Variants in ZNF333 observed in about 807,000 individuals in gnomAD.
ZNF333 encodes the protein zinc finger protein 333.
A neutral mutation model predicts 76.1 loss-of-function variants in ZNF333; 61 were observed. That is an observed-to-expected ratio of 0.80 (90% CI 0.65 to 0.99). The LOEUF (loss-of-function observed/expected upper bound fraction) is 0.99, where lower values mean the gene tolerates loss of function less well. Among genes scored for constraint, ZNF333 ranks in the 50% least tolerant of loss-of-function variants. The probability of loss-of-function intolerance (pLI) is 0.00; values close to 1 mark genes in which losing one functional copy is unlikely to be tolerated. For synonymous variants in ZNF333, 284 were observed against 305.0 expected, an observed-to-expected ratio of 0.93 and a Z score of 0.72; for missense variants, 717 against 822.4, an observed-to-expected ratio of 0.87 and a Z score of 1.57.
intron 2 of ZNF333, among the ~76,000 whole-genome samples, chr19:14,694,445 C>A (rs1402649418): frequency 6.6e-6 from 1 of 150,608 alleles, no homozygotes; most frequent in Non-Finnish European, 1.5e-5. Flanking sequence ...TGCACTCCAG[C>A]CTGGACGACA....
chr19:14,696,530 C>A (rs1973204770), intron 4 of ZNF333, among the ~76,000 whole-genome samples: 1 of 151,980 alleles, frequency 6.6e-6, no homozygotes, highest in Non-Finnish European at 1.5e-5. Flanking sequence ...TTATTTGACT[C>A]CTGGTTCTGG....
Position 14,695,081 on chromosome 19 carries a change from G to A in ZNF333, c.75G>A (p.Arg25=), listed in dbSNP as rs1340975209. 1 of 1,613,984 alleles carries A rather than the reference G, an allele frequency of 6.2e-7. No individual in the cohort carries two copies. Among genetic ancestry groups the A allele is most frequent in the Non-Finnish European group, 8.5e-7 (1 of 1,179,976 alleles). Residue 25 remains arginine, a synonymous_variant, in exon 3 of 12, where the codon AGG becomes AGA. Transcript: ENST00000292530. ...GGGCATTGCTGGACAGCGCACGGAG[G>A]AGCCTGTGCAAATACAGGATGCTTG... The part of the protein sequence containing the change: ...QEWALLDSAR[R]SLCKYRMLDQ...
rs1400459705 is a variant in ZNF333 at position 14,719,288 on chromosome 19, C to G, written c.1961C>G (p.Ser654Cys). Reference sequence around the variant, plus strand: ...ATTAGGAATGGCAGCCTGCCTTTATCCATGTCTCATCCATACTGTGGGCCC... The same window carrying G: ...ATTAGGAATGGCAGCCTGCCTTTATGCATGTCTCATCCATACTGTGGGCCC... ...ETIRNGSLPL[S>C]MSHPYCGPLA... The change falls in exon 12 of 12, where the codon TCC (serine) becomes TGC (cysteine). Residue 654 changes from serine to cysteine, a missense_variant. Ser to Cys is a moderately radical substitution (Grantham distance 112, BLOSUM62 -1). Coordinates refer to ENST00000292530, the MANE Select transcript of ZNF333 (RefSeq NM_032433.4). 1 of 1,613,934 alleles carries G rather than the reference C, an allele frequency of 6.2e-7. No individual in the cohort carries two copies.
intron 5 of ZNF333, chr19:14,701,776 A>C (rs932083282): frequency 7.1e-5 from 70 of 985,326 alleles, no homozygotes; most frequent in Non-Finnish European, 8.3e-5. Flanking sequence ...GTTACATCAG[A>C]GCCCCAGGAA....
chr19:14,718,937 C>T lies in ZNF333; in HGVS notation c.1610C>T (p.Ala537Val), dbSNP rs3764626. The change falls in exon 12 of 12, where the codon GCG (alanine) becomes GTG (valine). Residue 537 changes from alanine (A) to valine (V), a missense_variant. Ala to Val is a moderately conservative substitution (Grantham distance 64). Transcript: ENST00000292530. ...IHTGEKLYEC[A>V]TCGQVLSRLS... ...ACAGGGGAGAAACTGTATGAGTGCG[C>T]GACTTGCGGTCAGGTCTTGAGTCGT... The T allele has an allele frequency of 0.33, 531,755 of 1,613,260 alleles. 93,148 individuals are homozygous for T. Among genetic ancestry groups the T allele is most frequent in the East Asian group, 0.59 (26,495 of 44,866 alleles).
At chr19:14,729,104 G>A (rs1227241119) in intron 11 of ZNF333, among the ~76,000 whole-genome samples, 5 of 152,162 alleles carry the variant, frequency 3.3e-5, no homozygotes, top group Admixed American at 1.3e-4. Flanking sequence ...ATTGATTAGT[G>A]CCGACGGGAA....
chr19:14,701,471 C>T (rs1053088064), intron 5 of ZNF333: 17 of 608,420 alleles, frequency 2.8e-5, no homozygotes, highest in African/African-American at 4.0e-5. Context: ...GCAGGGCATT[C>T]TGTGTGTCAT....
chr19:14,694,170 A>G (rs899711161), intron 2 of ZNF333, among the ~76,000 whole-genome samples: 22 of 152,210 alleles, frequency 1.4e-4, no homozygotes, highest in African/African-American at 5.1e-4. Context: ...GAATTCTGCA[A>G]TTAAAAGGAT....
chr19:14,697,307 G>C (rs1397715671), intron 4 of ZNF333, among the ~76,000 whole-genome samples: 1 of 148,312 alleles, frequency 6.7e-6, no homozygotes, highest in Non-Finnish European at 1.5e-5. Context: ...TTTAGCTATT[G>C]TGAATAATGT....
Position 14,716,933 on chromosome 19 carries a change from G to A in ZNF333, c.728-61G>A, listed in dbSNP as rs566110851. 32 of 1,448,966 alleles carry A rather than the reference G, an allele frequency of 2.2e-5. No individual in the cohort carries two copies. In the African/African-American group the frequency reaches 3.8e-4, roughly 17 times the overall value. 89.8% of individuals were successfully genotyped at this position (1,448,966 alleles called of 1,614,324 possible). A position where few individuals can be genotyped will look rare whatever the true frequency, so the allele number is the denominator to read the frequency against. On this transcript the variant is annotated intron_variant, in intron 9 of 11. Coordinates refer to ENST00000292530, the MANE Select transcript of ZNF333 (RefSeq NM_032433.4). ...GAGCCCCTAAAGACTTGAGAATATC[G>A]GCCCTGGTGTCAGGGCATGGCACAG...
At chr19:14,694,466 G>T (rs1324372288) in intron 2 of ZNF333, among the ~76,000 whole-genome samples, 1 of 91,894 alleles carries the variant, frequency 1.1e-5, no homozygotes, top group African/African-American at 6.8e-5. Flanking sequence ...GAGCAAGACT[G>T]TCTCAAAAAA....
intron 7 of ZNF333, among the ~76,000 whole-genome samples, chr19:14,713,737 C>T (rs2042343301): frequency 2.0e-5 from 3 of 151,774 alleles, no homozygotes; most frequent in Non-Finnish European, 4.4e-5. Flanking sequence ...GTGGGAGGAT[C>T]GCTTGAGGCT....
At chr19:14,698,935 T>TAGATAGATAGATATAC (rs1180611568) in intron 4 of ZNF333, among the ~76,000 whole-genome samples, 5 of 139,362 alleles carry the variant, frequency 3.6e-5, no homozygotes, top group African/African-American at 1.1e-4. Flanking sequence ...TATATATATA[T>TAGATAGATAGATATAC]ACACACATAT....
Position 14,706,683 on chromosome 19 carries a change from C to T in ZNF333, c.424-3C>T, listed in dbSNP as rs770843236. ...AATCTGTGACCCCTGTCACTCTGTC[C>T]AGGGACTGAAGGCCGCTATGCAGAT... On this transcript the variant is annotated splice_polypyrimidine_tract_variant and splice_region_variant and intron_variant, in intron 6 of 11. Coordinates refer to ENST00000292530, the MANE Select transcript of ZNF333 (RefSeq NM_032433.4). The T allele has an allele frequency of 6.2e-7, 1 of 1,613,920 alleles. No homozygotes were observed. The highest frequency in any genetic ancestry group is 1.3e-5 in the African/African-American group (1 of 74,934).
Position 14,718,984 on chromosome 19 carries a change from A to G in ZNF333, c.1657A>G (p.Met553Val), listed in dbSNP as rs770636264. 1 of 1,610,514 alleles carries G rather than the reference A, an allele frequency of 6.2e-7. No homozygotes were observed. Among genetic ancestry groups the G allele is most frequent in the Non-Finnish European group, 8.5e-7 (1 of 1,178,970 alleles). Residue 553 changes from methionine to valine, a missense_variant, in exon 12 of 12, where the codon ATG (methionine) becomes GTG (valine). Physicochemically the swap from Met to Val is conservative, Grantham distance 21 (BLOSUM62 1). Transcript: ENST00000292530. ...TCGTCTTTCAACCCTGAAGAGTCACATGCGAACTCACACTGGAGAGAAGCC... is the reference window on the plus strand; with the variant it reads ...TCGTCTTTCAACCCTGAAGAGTCACGTGCGAACTCACACTGGAGAGAAGCC... The part of the protein sequence containing the change: ...LSRLSTLKSH[M>V]RTHTGEKPYV...
At chr19:14,706,823 G>A (rs1418942267) in intron 7 of ZNF333, 50 bp downstream of exon 7, 9 of 1,529,232 alleles carry the variant, frequency 5.9e-6, no homozygotes, top group African/African-American at 5.5e-5. Context: ...TGCTGTCCTT[G>A]TGTTCTGTCC....
At chr19:14,695,241 G>T in intron 3 of ZNF333, 108 bp downstream of exon 3, 1 of 1,413,756 alleles carries the variant, frequency 7.1e-7, no homozygotes, top group Non-Finnish European at 9.5e-7. Flanking sequence ...GGCACTTAGC[G>T]TCCACAGGAT....
downstream of ZNF333, among the ~76,000 whole-genome samples, chr19:14,726,818 G>C (rs1599765253): frequency 6.6e-6 from 1 of 151,984 alleles, no homozygotes; most frequent in Non-Finnish European, 1.5e-5. Context: ...CCAGTATTTT[G>C]GTCACAACCC....
At chr19:14,731,367 T>C in exon 12 of ZNF333, 1 of 614,864 alleles carries the variant, frequency 1.6e-6, no homozygotes. Flanking sequence ...GCTCCTTAAC[T>C]TCCGGCTTCC....
Sources: gnomAD v4.1 joint callset for allele counts (sites outside exome capture counted in the v4.1 genomes callset) on GRCh38, gnomAD v4.1.1 for gene constraint, MANE v1.5 for transcripts, NCBI Gene and HGNC (gene_info 2026-07-23, HGNC 2026-07-21) for gene names.